Variants in HARS1 observed in about 807,000 individuals in gnomAD.
The protein encoded by HARS1 is histidyl-tRNA synthetase 1, also known as histidine--tRNA ligase, cytoplasmic.
In HARS1, 45 loss-of-function variants were observed where a neutral mutation model predicts 63.6. The observed-to-expected ratio is 0.71, with a 90% CI of 0.56 to 0.91. The LOEUF (loss-of-function observed/expected upper bound fraction) is 0.91. Among genes scored for constraint, HARS1 ranks in the 40% least tolerant of loss-of-function variants. The pLI is 0.00. For synonymous variants in HARS1, 205 were observed against 247.1 expected (o/e 0.83, Z 1.60); for missense variants, 508 against 643.2 (o/e 0.79, Z 2.27).
At chr5:140,682,372 G>C (rs2149831891) in intron 3 of HARS1, among the ~76,000 whole-genome samples, 1 of 152,280 alleles carries the variant, frequency 6.6e-6, no homozygotes, top group South Asian at 2.1e-4. Flanking sequence ...TATGTTCCAA[G>C]AGTAGGAAGA....
At chr5:140,681,845 G>A (rs137917558) in intron 3 of HARS1, among the ~76,000 whole-genome samples, 149 of 152,216 alleles carry the variant, frequency 9.8e-4, no homozygotes, top group African/African-American at 3.5e-3. Flanking sequence ...CTAGTCTATG[G>A]TACTTTGTTA....
At chr5:140,684,368 G>A (rs1758904189) in intron 2 of HARS1, 1 of 982,844 alleles carries the variant, frequency 1.0e-6, no homozygotes, top group Non-Finnish European at 1.2e-6. Flanking sequence ...ATGATTATAG[G>A]CAATATAACC....
chr5:140,677,788 TCTTTTCTTACATGAC>T lies in HARS1; in HGVS notation c.631-50_631-36del, dbSNP rs534691017. On this transcript the variant is annotated intron_variant, in intron 6 of 12. Transcript: ENST00000504156. ...ACCAATGCATAGTGAGGGGGGAATCTCTTTTCTTACATGACCTGCAATAGTCATGGTCACTTAGGC... is the reference window on the plus strand; with the variant it reads ...ACCAATGCATAGTGAGGGGGGAATCTCTGCAATAGTCATGGTCACTTAGGC... The T allele has an allele frequency of 2.8e-4, 385 of 1,380,778 alleles. 4 individuals carry two copies. The South Asian group carries it at 3.9e-3, about 14-fold the overall frequency. 85.5% of individuals were successfully genotyped at this position (1,380,778 alleles called of 1,614,324 possible).
rs888833948 is a variant in HARS1, at chr5:140,679,641, C to T, written c.396+147G>A. 4 of 562,386 alleles carry T rather than the reference C, an allele frequency of 7.1e-6. No homozygotes were observed. Among genetic ancestry groups the T allele is most frequent in the Middle Eastern group, 6.9e-4 (2 of 2,908 alleles). The allele number at this position is 562,386 out of a possible 1,614,324, so 34.8% of individuals were successfully genotyped here. On this transcript the variant is annotated intron_variant, in intron 4 of 12. Coordinates refer to ENST00000504156, the MANE Select transcript of HARS1 (RefSeq NM_002109.6). This position sits in a 1 kb window ranked among gnomAD's most constrained non-coding sequence, Gnocchi z 4.3. ...CTAAGGATGTGTATGCTCTGTTTAG[C>T]CAAAGTTCCACTCCTGGTTTAGAGA...
In HARS1 at chr5:140,676,993, TC is replaced by T; in HGVS notation, c.946del (p.Asp316ThrfsTer7). 2 of 1,614,212 alleles carry T rather than the reference TC, an allele frequency of 1.2e-6. No homozygotes were observed. The highest frequency in any genetic ancestry group is 1.7e-6 in the Non-Finnish European group (2 of 1,180,036). On this transcript the variant is annotated frameshift_variant, in exon 9 of 13. Transcript: ENST00000504156. LOFTEE classifies it high-confidence loss of function. The surrounding 1 kb of genome is among the most constrained non-coding windows in gnomAD (Gnocchi z 4.1). ...FEYLTLFGIDDKISFDLSLAR... is the reference protein window; with the variant it reads ...FEYLTLFGIDXKISFDLSLAR... Reference sequence around the variant, plus strand: ...CCCGTCCCCAACTTGACTCACTTTGTCATCAATGCCAAATAGGGTCAGGTAC... The same window carrying T: ...CCCGTCCCCAACTTGACTCACTTTGTATCAATGCCAAATAGGGTCAGGTAC...
chr5:140,678,264 G>T, intron 5 of HARS1: 1 of 542,810 alleles, frequency 1.8e-6, no homozygotes, highest in Non-Finnish European at 3.3e-6. Flanking sequence ...CTACTGGATG[G>T]GGTGATTATA....
chr5:140,680,238 C>A (rs888963445), intron 3 of HARS1, among the ~76,000 whole-genome samples: 3 of 151,800 alleles, frequency 2.0e-5, no homozygotes, highest in African/African-American at 7.3e-5. Flanking sequence ...CCTCTGACTC[C>A]GGGGTTCAAG....
chr5:140,685,736 C>A (rs1562022655), intron 2 of HARS1, among the ~76,000 whole-genome samples: 1 of 141,064 alleles, frequency 7.1e-6, no homozygotes, highest in Non-Finnish European at 1.6e-5. Context: ...AAAAAAAAAT[C>A]ATTAAAATGG....
In HARS1 at chr5:140,677,289, T is replaced by C. The variant is rs149241235; in HGVS notation, c.823+38A>G. On this transcript the variant is annotated intron_variant, in intron 8 of 12. Transcript: ENST00000504156. Reference sequence around the variant, plus strand: ...GTTTCAACTTTAGGACTGAGGGCAGTGGGACGGCTGCTGGGGAGGCTTGGT... The same window carrying C: ...GTTTCAACTTTAGGACTGAGGGCAGCGGGACGGCTGCTGGGGAGGCTTGGT... 1.2e-4 allele frequency: 182 copies of C among 1,511,064 alleles called. 2 individuals are homozygous for C. In the East Asian group the frequency reaches 4.0e-3, roughly 33 times the overall value. The allele number at this position is 1,511,064 out of a possible 1,614,324, so 93.6% of individuals were successfully genotyped here.
rs1362553440 is a variant in HARS1, at chr5:140,680,909, A to T, written c.301-1026T>A. Among the ~76,000 whole-genome samples, 9 of 151,062 alleles carry T rather than the reference A, an allele frequency of 6.0e-5. 1 individual carries two copies. Among genetic ancestry groups the T allele is most frequent in the Admixed American group, 2.0e-4 (3 of 15,192 alleles). On this transcript the variant is annotated intron_variant, in intron 3 of 12. Coordinates refer to ENST00000504156, the MANE Select transcript of HARS1 (RefSeq NM_002109.6). ...AGGTATATAGCTCTTTTTTTTTTTA[A>T]AAAAAAGTATTTTTCTTGATGATAA...
In HARS1 at chr5:140,691,350, T is replaced by C. The variant is rs369183621; in HGVS notation, c.-46A>G. On this transcript the variant is annotated 5_prime_UTR_variant, in exon 1 of 13. Transcript: ENST00000504156. ...GCCTGCTGTCTCGACCTGCGGTGGTTGCCCCAGCCTCAGCAAGGATGACTT... is the reference window on the plus strand; with the variant it reads ...GCCTGCTGTCTCGACCTGCGGTGGTCGCCCCAGCCTCAGCAAGGATGACTT... The C allele has an allele frequency of 6.9e-7, 1 of 1,441,924 alleles. No homozygotes were observed. Among genetic ancestry groups the C allele is most frequent in the Non-Finnish European group, 9.5e-7 (1 of 1,050,786 alleles). The allele number at this position is 1,441,924 out of a possible 1,614,324, so 89.3% of individuals were successfully genotyped here.
At chr5:140,681,233 C>T (rs908928630) in intron 3 of HARS1, among the ~76,000 whole-genome samples, 4 of 152,118 alleles carry the variant, frequency 2.6e-5, no homozygotes, top group African/African-American at 9.7e-5. Flanking sequence ...TCCCAGTAAC[C>T]TCTGAACATG....
At chr5:140,687,032 A>G (rs1442835202) in intron 2 of HARS1, among the ~76,000 whole-genome samples, 1 of 152,236 alleles carries the variant, frequency 6.6e-6, no homozygotes, top group East Asian at 1.9e-4. Context: ...TTTAAGTTTG[A>G]AAAACCATAA....
intron 11 of HARS1, 86 bp from the exon 12 acceptor site, chr5:140,674,911 C>T (rs754572856): frequency 1.3e-6 from 2 of 1,536,302 alleles, no homozygotes; most frequent in Non-Finnish European, 1.8e-6. Context: ...CTGTTCTTAG[C>T]TCTACTTTTG....
chr5:140,688,780 T>C (rs1759202707), intron 2 of HARS1, among the ~76,000 whole-genome samples: 1 of 152,208 alleles, frequency 6.6e-6, no homozygotes, highest in Non-Finnish European at 1.5e-5. Flanking sequence ...ACATTCTAGA[T>C]TTGGTGAACA....
At chr5:140,681,097 T>C (rs1758705932) in intron 3 of HARS1, among the ~76,000 whole-genome samples, 1 of 152,076 alleles carries the variant, frequency 6.6e-6, no homozygotes. Context: ...CTTACCAGGT[T>C]GGCAAAGATT....
At chr5:140,685,178 G>T (rs1187510988) in intron 2 of HARS1, 1 of 121,512 alleles carries the variant, frequency 8.2e-6, no homozygotes, top group South Asian at 2.7e-4. Flanking sequence ...CTAGATCAAT[G>T]AACTTAAAAA....
intron 2 of HARS1, chr5:140,687,406 T>C (rs969613979): frequency 7.2e-5 from 11 of 151,964 alleles, no homozygotes; most frequent in African/African-American, 2.7e-4. Flanking sequence ...ATTAGCTGCA[T>C]GTGGTGGTAC....
At chr5:140,690,714 A>G in intron 2 of HARS1, 141 bp downstream of exon 2, 1 of 653,284 alleles carries the variant, frequency 1.5e-6, no homozygotes, top group African/African-American at 1.8e-5. Context: ...AGTCCAGTCC[A>G]GCCCAGCGCC....
Sources: gnomAD v4.1 joint callset for allele counts (sites outside exome capture counted in the v4.1 genomes callset) on GRCh38, gnomAD v4.1.1 for gene constraint, Gnocchi (gnomAD v3.1) non-coding constraint, MANE v1.5 for transcripts, NCBI Gene and HGNC (gene_info 2026-07-23, HGNC 2026-07-21) for gene names.